Variants in FSD1L observed in about 807,000 individuals in gnomAD.
The protein encoded by FSD1L is FSD1-like protein.
In FSD1L, 45 loss-of-function variants were observed where a neutral mutation model predicts 71.6. The observed-to-expected ratio is 0.63, with a 90% confidence interval of 0.49 to 0.81. The LOEUF (loss-of-function observed/expected upper bound fraction) is 0.81. Among genes scored for constraint, FSD1L ranks in the 30% least tolerant of loss-of-function variants. FSD1L has a pLI of 0.00. For missense variants in FSD1L, 561 were observed against 618.1 expected (o/e 0.91, Z 0.98); for synonymous variants, 197 against 207.2 (o/e 0.95, Z 0.42).
At chr9:105,542,080 G>A (rs1247263395) in intron 13 of FSD1L, among the ~76,000 whole-genome samples, 2 of 152,160 alleles carry the variant, frequency 1.3e-5, no homozygotes, top group South Asian at 4.1e-4. Context: ...ATCACTATAA[G>A]CATTTACATA....
At chr9:105,519,986 G>C (rs1049542477) in intron 10 of FSD1L, 2 of 1,371,302 alleles carry the variant, frequency 1.5e-6, no homozygotes, top group Admixed American at 5.7e-5. Flanking sequence ...GGATCGGGGA[G>C]GAGTCGGCTC....
At chr9:105,470,848 C>T (rs1430040530) in intron 4 of FSD1L, among the ~76,000 whole-genome samples, 2 of 152,094 alleles carry the variant, frequency 1.3e-5, no homozygotes, top group African/African-American at 2.4e-5. Flanking sequence ...GAAATGAATT[C>T]ATTTAAAAAA....
intron 1 of FSD1L, among the ~76,000 whole-genome samples, chr9:105,451,151 G>C (rs1025565100): frequency 2.0e-5 from 3 of 152,012 alleles, no homozygotes; most frequent in South Asian, 4.1e-4. Context: ...AGTAGAGACG[G>C]GGTTTCATCA....
intron 10 of FSD1L, 144 bp downstream of exon 10, chr9:105,513,080 T>C: frequency 1.6e-6 from 1 of 621,480 alleles, no homozygotes; most frequent in Non-Finnish European, 2.5e-6. Flanking sequence ...AATATAATAC[T>C]ATTTGTCAGT....
intron 7 of FSD1L, among the ~76,000 whole-genome samples, chr9:105,494,404 A>C (rs960052155): frequency 3.3e-5 from 5 of 151,824 alleles, no homozygotes; most frequent in African/African-American, 1.2e-4. Flanking sequence ...ACATTCGTCT[A>C]AATTTTTTTC....
At chr9:105,481,178 T>TGTGTGTGTG in intron 6 of FSD1L, among the ~76,000 whole-genome samples, 1 of 122,174 alleles carries the variant, frequency 8.2e-6, no homozygotes, top group Non-Finnish European at 1.8e-5. Context: ...TGTGTGTGTG[T>TGTGTGTGTG]GGTTCTTTTT....
intron 7 of FSD1L, among the ~76,000 whole-genome samples, chr9:105,490,597 T>C (rs1832862109): frequency 6.8e-6 from 1 of 146,142 alleles, no homozygotes; most frequent in Non-Finnish European, 1.5e-5. Flanking sequence ...ATGTCCTGAA[T>C]GGTAATGCCT....
chr9:105,522,447 CAG>C (rs1320173476), intron 10 of FSD1L: 2 of 1,613,502 alleles, frequency 1.2e-6, no homozygotes, highest in African/African-American at 1.3e-5. Flanking sequence ...CCCAATGAGA[CAG>C]AGGAGTGCAA....
At chr9:105,543,548 AC>A (rs1353792384) in intron 13 of FSD1L, among the ~76,000 whole-genome samples, 5 of 151,986 alleles carry the variant, frequency 3.3e-5, no homozygotes, top group Non-Finnish European at 7.4e-5. Flanking sequence ...CTCGTCATTT[AC>A]CTTAGGTATA....
intron 7 of FSD1L, among the ~76,000 whole-genome samples, chr9:105,490,908 G>A (rs1362964617): frequency 1.4e-5 from 2 of 143,822 alleles, no homozygotes; most frequent in East Asian, 4.0e-4. Flanking sequence ...GGTTACTGTA[G>A]CCTTGTAGTA....
intron 10 of FSD1L, chr9:105,523,690 T>C: frequency 6.3e-7 from 1 of 1,598,212 alleles, no homozygotes. Flanking sequence ...CAAGGTAAAT[T>C]ACATGCATAT....
At chr9:105,443,895 C>T (rs556153496), upstream of FSD1L, among the ~76,000 whole-genome samples, 1 of 152,144 alleles carries the variant, frequency 6.6e-6, no homozygotes, top group East Asian at 1.9e-4. Flanking sequence ...ACTCAACAAC[C>T]CTTATAGGTG....
At chr9:105,523,323 C>T in intron 10 of FSD1L, 2 of 1,589,216 alleles carry the variant, frequency 1.3e-6, no homozygotes, top group Non-Finnish European at 1.7e-6. Flanking sequence ...CGATGAGAAG[C>T]TCCACCACGC....
chr9:105,542,514 T>A (rs1836693051), intron 13 of FSD1L, among the ~76,000 whole-genome samples: 1 of 152,184 alleles, frequency 6.6e-6, no homozygotes, highest in Non-Finnish European at 1.5e-5. Context: ...AGTACAGTGG[T>A]GCGATCACAG....
intron 9 of FSD1L, among the ~76,000 whole-genome samples, chr9:105,509,115 GT>G (rs1401864068): frequency 6.6e-6 from 1 of 152,132 alleles, no homozygotes; most frequent in African/African-American, 2.4e-5. Context: ...TATTGCAACA[GT>G]TAACGTTTAT....
In FSD1L at chr9:105,535,068, A is replaced by G; in HGVS notation, c.1128A>G (p.Gly376=). The G allele has an allele frequency of 6.4e-7, 1 of 1,551,522 alleles. No individual in the cohort carries two copies. Among genetic ancestry groups the G allele is most frequent in the Non-Finnish European group, 8.7e-7 (1 of 1,146,900 alleles). The part of the protein sequence containing the change: ...RFTGESYTVL[G]DTAIESGQHY... ...ATCTACCTTTCTGATCTTTTGTAGG[A>G]GACACTGCTATTGAAAGTGGACAAC... The change falls in exon 12 of 14, where the codon GGA becomes GGG. Residue 376 remains glycine (G), a splice_region_variant and synonymous_variant. Transcript: ENST00000481272.
At chr9:105,524,468 G>T (rs562637889) in intron 10 of FSD1L, 1 of 1,613,462 alleles carries the variant, frequency 6.2e-7, no homozygotes, top group African/African-American at 1.3e-5. Flanking sequence ...TACCTCTAAA[G>T]ACACTGCTCC....
chr9:105,546,796 A>G lies in FSD1L; in HGVS notation c.*313A>G, dbSNP rs1026801528. The G allele has an allele frequency of 6.5e-5, 11 of 169,070 alleles. No homozygotes were observed. Among genetic ancestry groups the G allele is most frequent in the Non-Finnish European group, 1.4e-4 (11 of 79,568 alleles). The allele number at this position is 169,070 out of a possible 1,614,324, so 10.5% of individuals were successfully genotyped here. A position where few individuals can be genotyped will look rare whatever the true frequency, so the allele number is the denominator to read the frequency against. ...TTTGACTATTCTAATGTTTAATTACATATGGTAACCCTAAGGCCTGGGGAG... is the reference window on the plus strand; with the variant it reads ...TTTGACTATTCTAATGTTTAATTACGTATGGTAACCCTAAGGCCTGGGGAG... On this transcript the variant is annotated 3_prime_UTR_variant, in exon 14 of 14. Coordinates refer to ENST00000481272, the MANE Select transcript of FSD1L (RefSeq NM_001145313.3).
At chr9:105,447,969 G>A (rs1253260372), upstream of FSD1L, 1 of 540,134 alleles carries the variant, frequency 1.9e-6, no homozygotes, top group Non-Finnish European at 3.3e-6. Context: ...GCTACTTCCC[G>A]GGAGCAGTCA....
Sources: allele counts gnomAD v4.1 joint callset (sites outside exome capture counted in the v4.1 genomes callset), GRCh38; gene constraint gnomAD v4.1.1; transcripts MANE v1.5; gene names NCBI Gene and HGNC (gene_info 2026-07-23, HGNC 2026-07-21).